SMG6: variants seen among roughly 807,000 people sequenced by gnomAD.
SMG6 encodes the protein telomerase-binding protein EST1A.
SMG6 carries 66 observed loss-of-function variants against 142.2 expected under a neutral mutation model. The ratio of observed to expected loss-of-function variants is 0.46; its 90% CI spans 0.38 to 0.57. SMG6 has a LOEUF of 0.57. Ranked by LOEUF, SMG6 falls within the 20% of genes least tolerant of loss-of-function variation. SMG6 has a pLI of 0.00. For missense variants in SMG6, 1,793 were observed against 1,832.0 expected (o/e 0.98, Z 0.39); for synonymous variants, 779 against 702.4 (o/e 1.11, Z -1.72).
rs2067729356 is a variant in SMG6 at position 2,060,073 on chromosome 17, C to G, written c.*1419G>C. On this transcript the variant is annotated 3_prime_UTR_variant, in exon 19 of 19. Coordinates refer to ENST00000263073, the MANE Select transcript of SMG6 (RefSeq NM_017575.5). ...TTGGCTCCCCTACACGGTACCCCATCGCTTCTGGCATAGTCCTGGGCCTCA... is the reference window on the plus strand; with the variant it reads ...TTGGCTCCCCTACACGGTACCCCATGGCTTCTGGCATAGTCCTGGGCCTCA... 6.5e-6 allele frequency: 1 copy of G among 152,916 alleles called. No individual in the cohort carries two copies. The highest frequency in any genetic ancestry group is 2.4e-5 in the African/African-American group (1 of 41,590). The allele number at this position is 152,916 out of a possible 1,614,324, so 9.5% of individuals were successfully genotyped here.
intron 6 of SMG6, among the ~76,000 whole-genome samples, chr17:2,287,659 A>G (rs1050945061): frequency 1.3e-5 from 2 of 152,354 alleles, no homozygotes; most frequent in Admixed American, 1.3e-4. Context: ...AGTATCCATC[A>G]ATGGGTGAAC....
rs370260170 is a variant in SMG6, at chr17:2,297,853, G to A, written c.2040+10C>T. The A allele has an allele frequency of 5.6e-6, 9 of 1,605,508 alleles. No homozygotes were observed. In the African/African-American group the frequency reaches 1.1e-4, roughly 19 times the overall value. Reference sequence around the variant, plus strand: ...GCCTTTATCCTGAGGACAAAAAGATGACAGTTTACCTCATCCAAGAGCTCC... The same window carrying A: ...GCCTTTATCCTGAGGACAAAAAGATAACAGTTTACCTCATCCAAGAGCTCC... On this transcript the variant is annotated intron_variant, in intron 3 of 18. Transcript: ENST00000263073.
chr17:2,075,214 C>A (rs1037842100), intron 15 of SMG6, among the ~76,000 whole-genome samples: 8 of 150,912 alleles, frequency 5.3e-5, no homozygotes, highest in East Asian at 2.0e-4. Context: ...CCACAACAGC[C>A]CCCCCTAGCT....
chr17:2,214,165 G>A (rs561306322), intron 10 of SMG6: 6 of 152,300 alleles, frequency 3.9e-5, no homozygotes, highest in African/African-American at 1.2e-4. Context: ...ACAGCTCCAC[G>A]AGGATCCATG....
chr17:2,267,422 T>TGA (rs2074444980), intron 8 of SMG6, among the ~76,000 whole-genome samples: 1 of 151,928 alleles, frequency 6.6e-6, no homozygotes, highest in African/African-American at 2.4e-5. Context: ...ATGAATGAAC[T>TGA]CCTGGATTCA....
At chr17:2,146,599 G>A (rs1251557011) in intron 13 of SMG6, among the ~76,000 whole-genome samples, 2 of 152,130 alleles carry the variant, frequency 1.3e-5, no homozygotes, top group African/African-American at 4.8e-5. Flanking sequence ...ACAGTGCGGT[G>A]GCGTGATCTC....
chr17:2,089,160 TG>T (rs1440034763), intron 13 of SMG6, among the ~76,000 whole-genome samples: 1 of 152,190 alleles, frequency 6.6e-6, no homozygotes. Flanking sequence ...CAGTTAACTC[TG>T]CTCGTGAGCA....
At chr17:2,062,209 G>A (rs956428799) in intron 18 of SMG6, 1 of 152,604 alleles carries the variant, frequency 6.6e-6, no homozygotes, top group African/African-American at 2.4e-5. Context: ...TGGCCAACCG[G>A]TCGCCCCTGC....
intron 8 of SMG6, among the ~76,000 whole-genome samples, chr17:2,261,571 A>G (rs181406576): frequency 5.4e-4 from 82 of 152,196 alleles, no homozygotes; most frequent in Non-Finnish European, 7.6e-4. Context: ...CCTAATCCCC[A>G]CCATTATTCT....
At chr17:2,176,786 G>A (rs1297190556) in intron 12 of SMG6, among the ~76,000 whole-genome samples, 1 of 152,208 alleles carries the variant, frequency 6.6e-6, no homozygotes, top group Non-Finnish European at 1.5e-5. Flanking sequence ...CCAGATCCGA[G>A]TTTGGGACAA....
At chr17:2,073,535 C>A (rs2068169402) in intron 15 of SMG6, among the ~76,000 whole-genome samples, 1 of 150,914 alleles carries the variant, frequency 6.6e-6, no homozygotes. Context: ...ATCGCGGAAC[C>A]CCGTCTCTAC....
intron 12 of SMG6, among the ~76,000 whole-genome samples, chr17:2,173,845 CTTTTT>C (rs35215989): frequency 9.4e-5 from 7 of 74,826 alleles, no homozygotes; most frequent in Admixed American, 1.7e-4. Flanking sequence ...ATCCATAAAG[CTTTTT>C]TTTTTTTTTT....
At chr17:2,111,148 A>G (rs2069304413) in intron 13 of SMG6, among the ~76,000 whole-genome samples, 1 of 152,200 alleles carries the variant, frequency 6.6e-6, no homozygotes, top group African/African-American at 2.4e-5. Flanking sequence ...GGCCCTATTC[A>G]AACCACCAGG....
At chr17:2,285,541 T>C (rs1439613273) in intron 6 of SMG6, among the ~76,000 whole-genome samples, 3 of 152,072 alleles carry the variant, frequency 2.0e-5, no homozygotes, top group African/African-American at 4.8e-5. Context: ...AAAAAGAAAT[T>C]AAGAAAACAA....
At chr17:2,113,498 G>A (rs550384183) in intron 13 of SMG6, among the ~76,000 whole-genome samples, 8 of 152,288 alleles carry the variant, frequency 5.3e-5, no homozygotes, top group South Asian at 2.1e-4. Context: ...GAACAAAGCC[G>A]GCTTGGGAAA....
rs138645122 is a variant in SMG6 at position 2,205,011 on chromosome 17, A to G, written c.2870-16496T>C. On this transcript the variant is annotated intron_variant, in intron 10 of 18. Transcript: ENST00000263073. ...TTTGTACTCAGTTGCTGGACTGGTC[A>G]ATTTGTCAATACACTTACCGAAACC... Among the ~76,000 whole-genome samples, 94 of 152,294 alleles carry G rather than the reference A, an allele frequency of 6.2e-4. 1 individual carries two copies. Among genetic ancestry groups the G allele is most frequent in the African/African-American group, 2.1e-3 (87 of 41,570 alleles).
At chr17:2,248,968 G>C (rs2073984322) in intron 8 of SMG6, among the ~76,000 whole-genome samples, 1 of 150,960 alleles carries the variant, frequency 6.6e-6, no homozygotes, top group Admixed American at 6.6e-5. Context: ...CTCACTGCAA[G>C]CTCCGCCTCC....
chr17:2,066,040 A>C (rs976456350), intron 16 of SMG6: 20 of 262,012 alleles, frequency 7.6e-5, no homozygotes, highest in African/African-American at 4.3e-4. Context: ...GGTATGCAGC[A>C]GCTCGAGGGA....
intron 13 of SMG6, among the ~76,000 whole-genome samples, chr17:2,104,450 A>G (rs1281437137): frequency 6.6e-6 from 1 of 152,182 alleles, no homozygotes; most frequent in African/African-American, 2.4e-5. Context: ...AAGTCCTCAC[A>G]AGTGACAATG....
Sources: gnomAD v4.1 joint callset for allele counts (sites outside exome capture counted in the v4.1 genomes callset) on GRCh38, gnomAD v4.1.1 for gene constraint, MANE v1.5 for transcripts, NCBI Gene and HGNC (gene_info 2026-07-23, HGNC 2026-07-21) for gene names.